Variants in LPGAT1 observed in about 807,000 individuals in gnomAD.
LPGAT1 encodes acyl-CoA:lysophosphatidylglycerol acyltransferase 1.
In LPGAT1, 11 loss-of-function variants were observed where a neutral mutation model predicts 47.5. That is an observed-to-expected ratio of 0.23 (90% confidence interval 0.15 to 0.38). The LOEUF (loss-of-function observed/expected upper bound fraction) is 0.38, where lower values mean the gene tolerates loss of function less well. Ranked by LOEUF, LPGAT1 falls within the 10% of genes least tolerant of loss-of-function variation. The pLI, the probability that LPGAT1 is intolerant of heterozygous loss-of-function variation, is 1.00. For synonymous variants in LPGAT1, 138 were observed against 144.2 expected (o/e 0.96, Z 0.31); for missense variants, 293 against 439.0 (o/e 0.67, Z 2.97).
chr1:211,780,620 GA>G (rs2102534247), intron 5 of LPGAT1, among the ~76,000 whole-genome samples: 1 of 152,176 alleles, frequency 6.6e-6, no homozygotes, highest in Non-Finnish European at 1.5e-5. Flanking sequence ...TTGTGAAGGA[GA>G]AAAATATACT....
chr1:211,812,179 T>C (rs1236909662), intron 2 of LPGAT1, among the ~76,000 whole-genome samples: 1 of 152,198 alleles, frequency 6.6e-6, no homozygotes, highest in African/African-American at 2.4e-5. Context: ...GGCACAGAAG[T>C]TAGTCTCCCT....
At chr1:211,808,074 G>C (rs1659826895) in intron 2 of LPGAT1, among the ~76,000 whole-genome samples, 1 of 132,482 alleles carries the variant, frequency 7.5e-6, no homozygotes. Context: ...CAAGTATATA[G>C]AAAACTCACG....
intron 3 of LPGAT1, among the ~76,000 whole-genome samples, chr1:211,791,636 G>T (rs1659113498): frequency 6.6e-6 from 1 of 151,712 alleles, no homozygotes; most frequent in African/African-American, 2.4e-5. Context: ...AGTCCCAGCT[G>T]CTTGGGAGGC....
At position 211,783,288 on chromosome 1, in the gene LPGAT1, T is replaced by A; in HGVS notation, c.668A>T (p.Asn223Ile). The A allele has an allele frequency of 6.2e-7, 1 of 1,614,206 alleles. No homozygotes were observed. ...PRSGATKIIL[N>I]ALVAQQKNGS... ...ATTTTTCTGTTGTGCTACAAGTGCATTCAAAATAATTTTTGTTGCCCCAGA... is the reference window on the plus strand; with the variant it reads ...ATTTTTCTGTTGTGCTACAAGTGCAATCAAAATAATTTTTGTTGCCCCAGA... Residue 223 changes from asparagine (N) to isoleucine (I), a missense_variant, in exon 5 of 8, where the codon AAT becomes ATT. Physicochemically the swap from Asn to Ile is moderately radical, Grantham distance 149. Coordinates refer to ENST00000366997, the MANE Select transcript of LPGAT1 (RefSeq NM_014873.3).
In LPGAT1 at chr1:211,830,500, C is replaced by G. The variant is rs998270544; in HGVS notation, c.-28+73G>C. 8.4e-7 allele frequency: 1 copy of G among 1,196,546 alleles called. No individual in the cohort carries two copies. The highest frequency in any genetic ancestry group is 1.0e-6 in the Non-Finnish European group (1 of 964,578). The allele number at this position is 1,196,546 out of a possible 1,614,324, so 74.1% of individuals were successfully genotyped here. ...GCCACGCGACGACGACACCCCCTTC[C>G]CCGCCCCCAGCGCCTCCCCTGGCCC... On this transcript the variant is annotated intron_variant, in intron 1 of 7. Coordinates refer to ENST00000366997, the MANE Select transcript of LPGAT1 (RefSeq NM_014873.3). This position sits in a 1 kb window ranked among gnomAD's most constrained non-coding sequence, Gnocchi z 5.9.
chr1:211,769,916 G>C (rs1265466639), intron 6 of LPGAT1, among the ~76,000 whole-genome samples: 1 of 152,100 alleles, frequency 6.6e-6, no homozygotes, highest in African/African-American at 2.4e-5. Context: ...TGGGAATGCA[G>C]CCCAGTAGGT....
Position 211,751,000 on chromosome 1 carries a change from C to A in LPGAT1, c.922G>T (p.Val308Phe). The A allele has an allele frequency of 6.2e-7, 1 of 1,613,776 alleles. No individual in the cohort carries two copies. The highest frequency in any genetic ancestry group is 8.5e-7 in the Non-Finnish European group (1 of 1,179,750). ...TGTGATAAGAGGTCTTCTTTTTCAACAAACCGCTGATAGAGCCAAGTGGTA... is the reference window on the plus strand; with the variant it reads ...TGTGATAAGAGGTCTTCTTTTTCAAAAAACCGCTGATAGAGCCAAGTGGTA... Reference protein sequence around the residue: ...DLTTWLYQRFVEKEDLLSHFY... With the variant: ...DLTTWLYQRFFEKEDLLSHFY... The change falls in exon 7 of 8, where the codon GTT (valine) becomes TTT (phenylalanine). Residue 308 changes from valine (V) to phenylalanine (F), a missense_variant. By Grantham distance (50) the Val-to-Phe change is conservative (BLOSUM62 -1). Transcript: ENST00000366997.
chr1:211,799,146 TG>T (rs1294736268), intron 2 of LPGAT1, among the ~76,000 whole-genome samples: 2 of 152,158 alleles, frequency 1.3e-5, no homozygotes, highest in Non-Finnish European at 2.9e-5. Flanking sequence ...TAGGAAATCA[TG>T]GTCAGTGTCC....
intron 2 of LPGAT1, among the ~76,000 whole-genome samples, chr1:211,813,110 A>T (rs1660048402): frequency 6.6e-6 from 1 of 152,244 alleles, no homozygotes; most frequent in Non-Finnish European, 1.5e-5. Flanking sequence ...GAATTAAAAA[A>T]TTTTTAAACG....
At chr1:211,810,331 G>A (rs564614104) in intron 2 of LPGAT1, among the ~76,000 whole-genome samples, 4 of 152,248 alleles carry the variant, frequency 2.6e-5, no homozygotes, top group East Asian at 1.9e-4. Flanking sequence ...AAAGTAGAAC[G>A]TGACGGAAGA....
At chr1:211,827,800 C>T (rs1660583415) in intron 2 of LPGAT1, among the ~76,000 whole-genome samples, 1 of 152,178 alleles carries the variant, frequency 6.6e-6, no homozygotes, top group Admixed American at 6.5e-5. Flanking sequence ...GCATTGGAAT[C>T]TCAACAAGAC....
chr1:211,795,453 C>T (rs1173876736), intron 2 of LPGAT1, among the ~76,000 whole-genome samples: 7 of 152,074 alleles, frequency 4.6e-5, no homozygotes, highest in Non-Finnish European at 4.4e-5. Flanking sequence ...CCGCAACCTC[C>T]GACTCCCAGG....
At chr1:211,814,312 G>T (rs552002808) in intron 2 of LPGAT1, among the ~76,000 whole-genome samples, 1 of 152,180 alleles carries the variant, frequency 6.6e-6, no homozygotes, top group Non-Finnish European at 1.5e-5. Context: ...GGCAAAGAGT[G>T]GAAACTGGAG....
At chr1:211,774,132 C>T (rs142148548) in intron 6 of LPGAT1, among the ~76,000 whole-genome samples, 478 of 66,764 alleles carry the variant, frequency 7.2e-3, no homozygotes, top group Admixed American at 9.4e-3. Context: ...TTTTAAAAGT[C>T]TTTTTTTTTT....
At chr1:211,807,245 A>G (rs1212858016) in intron 2 of LPGAT1, among the ~76,000 whole-genome samples, 1 of 152,174 alleles carries the variant, frequency 6.6e-6, no homozygotes, top group East Asian at 1.9e-4. Context: ...AAAACTACCA[A>G]ACGCTGAGAA....
intron 6 of LPGAT1, among the ~76,000 whole-genome samples, chr1:211,763,825 C>T (rs866805524): frequency 7.2e-5 from 11 of 152,246 alleles, no homozygotes; most frequent in Middle Eastern, 3.4e-3. Context: ...CTATCTTAAA[C>T]CATTGTCCTC....
intron 2 of LPGAT1, among the ~76,000 whole-genome samples, chr1:211,825,633 G>A (rs1037544253): frequency 6.6e-6 from 1 of 152,110 alleles, no homozygotes; most frequent in Non-Finnish European, 1.5e-5. Flanking sequence ...TTTCCTCAAC[G>A]TGAGATATCT....
At chr1:211,752,781 A>G (rs1336140686) in intron 6 of LPGAT1, among the ~76,000 whole-genome samples, 1 of 152,260 alleles carries the variant, frequency 6.6e-6, no homozygotes, top group Non-Finnish European at 1.5e-5. Flanking sequence ...ACACTTTGGA[A>G]TACTGACTTC....
chr1:211,801,501 A>G (rs1393484898), intron 2 of LPGAT1, among the ~76,000 whole-genome samples: 1 of 152,036 alleles, frequency 6.6e-6, no homozygotes, highest in Non-Finnish European at 1.5e-5. Flanking sequence ...GCTTGAGCCT[A>G]GGAGTTCAAG....
Sources: gnomAD v4.1 joint callset for allele counts (sites outside exome capture counted in the v4.1 genomes callset) on GRCh38, gnomAD v4.1.1 for gene constraint, Gnocchi (gnomAD v3.1) non-coding constraint, MANE v1.5 for transcripts, NCBI Gene and HGNC (gene_info 2026-07-23, HGNC 2026-07-21) for gene names.